The following RGL1 variants were observed in gnomAD, a reference collection of about 807,000 sequenced individuals.
The protein encoded by RGL1 is ral guanine nucleotide dissociation stimulator like 1.
RGL1 carries 24 observed loss-of-function variants against 95.2 expected under a neutral mutation model. The ratio of observed to expected loss-of-function variants is 0.25; its 90% CI spans 0.18 to 0.35. The LOEUF (loss-of-function observed/expected upper bound fraction) is 0.35, where lower values mean the gene tolerates loss of function less well. RGL1 is among the 10% of genes least tolerant of loss of function. The pLI, the probability that RGL1 is intolerant of heterozygous loss-of-function variation, is 1.00. For synonymous variants in RGL1, 329 were observed against 344.9 expected, an observed-to-expected ratio of 0.95 and a Z score of 0.51; for missense variants, 715 against 936.3, an observed-to-expected ratio of 0.76 and a Z score of 3.08.
At chr1:183,881,463 G>T (rs1321278540) in intron 5 of RGL1, among the ~76,000 whole-genome samples, 1 of 152,218 alleles carries the variant, frequency 6.6e-6, no homozygotes, top group African/African-American at 2.4e-5. Context: ...ACCACTGCAG[G>T]TTATGAGGTG....
chr1:183,902,195 C>A (rs12021632), intron 11 of RGL1, among the ~76,000 whole-genome samples: 1 of 152,054 alleles, frequency 6.6e-6, no homozygotes, highest in Non-Finnish European at 1.5e-5. Context: ...TTTTGATAAA[C>A]CGTATGAGTC....
intron 3 of RGL1, among the ~76,000 whole-genome samples, chr1:183,851,632 A>G (rs776863464): frequency 3.9e-5 from 6 of 152,196 alleles, no homozygotes; most frequent in Non-Finnish European, 7.3e-5. Context: ...ATGAAGTTCT[A>G]ACATGTTCTG....
chr1:183,732,621 A>G (rs1366034562), intron 1 of RGL1, among the ~76,000 whole-genome samples: 1 of 152,198 alleles, frequency 6.6e-6, no homozygotes, highest in Admixed American at 6.5e-5. Context: ...CTTAGTGAAA[A>G]TATAATCTAG....
intron 8 of RGL1, among the ~76,000 whole-genome samples, chr1:183,891,028 C>T (rs1667387826): frequency 6.6e-6 from 1 of 152,120 alleles, no homozygotes; most frequent in Admixed American, 6.5e-5. Context: ...TCCCTATAAT[C>T]CTTGACATTT....
At position 183,805,151 on chromosome 1, in the gene RGL1, G is replaced by T. The variant is rs1334486215; in HGVS notation, c.-147G>T. The T allele has an allele frequency of 1.6e-5, 17 of 1,076,194 alleles. No individual in the cohort carries two copies. Among genetic ancestry groups the T allele is most frequent in the Non-Finnish European group, 2.0e-5 (17 of 829,768 alleles). The allele number at this position is 1,076,194 out of a possible 1,614,324, so 66.7% of individuals were successfully genotyped here. On this transcript the variant is annotated 5_prime_UTR_variant, in exon 1 of 18. Transcript: ENST00000360851. ...CGAGTCGCGCGCACCGGCGGCGGCG[G>T]GGGCAGCGCGGCGCGTGTCTGTGCG...
chr1:183,740,387 TGGGCTTACTCTCCA>T, intron 1 of RGL1, among the ~76,000 whole-genome samples: 1 of 152,354 alleles, frequency 6.6e-6, no homozygotes, highest in African/African-American at 2.4e-5. Flanking sequence ...TGCAAGTAGA[TGGGCTTACTCTCCA>T]TGGCTTACAG....
chr1:183,831,894 G>T (rs1054505657), intron 2 of RGL1, among the ~76,000 whole-genome samples: 3 of 152,136 alleles, frequency 2.0e-5, no homozygotes, highest in African/African-American at 7.2e-5. Context: ...TGGCTACTAT[G>T]AATAAAACTG....
chr1:183,892,226 G>C (rs888907980), intron 9 of RGL1, 65 bp downstream of exon 9: 87 of 1,180,000 alleles, frequency 7.4e-5, no homozygotes, highest in Non-Finnish European at 1.0e-4. Context: ...TCAAGGAAGA[G>C]TAGTGTGAGG....
chr1:183,642,841 A>G (rs754477693), intron 1 of RGL1, among the ~76,000 whole-genome samples: 22 of 152,248 alleles, frequency 1.4e-4, no homozygotes, highest in Non-Finnish European at 2.8e-4. Flanking sequence ...TTTGAAGTGT[A>G]CAATTAAGTA....
rs530333473 is a variant in RGL1 at position 183,776,439 on chromosome 1, C to T, written c.133-29936C>T. ...CTGGGATTACAGGCGTGAGCCACCGCGCCCGGCCAGATTTTTTTTTTAAAA... is the reference window on the plus strand; with the variant it reads ...CTGGGATTACAGGCGTGAGCCACCGTGCCCGGCCAGATTTTTTTTTTAAAA... On this transcript the variant is annotated intron_variant, in intron 2 of 18. Transcript: ENST00000304685. Among the ~76,000 whole-genome samples, 24 of 152,102 alleles carry T rather than the reference C, an allele frequency of 1.6e-4. No homozygotes were observed. The South Asian group carries it at 2.9e-3, about 18-fold the overall frequency.
intron 2 of RGL1, among the ~76,000 whole-genome samples, chr1:183,844,344 A>C (rs1400920661): frequency 6.6e-6 from 1 of 152,206 alleles, no homozygotes; most frequent in African/African-American, 2.4e-5. Flanking sequence ...AATATGAGTT[A>C]AGTTTTAAAT....
upstream of RGL1, among the ~76,000 whole-genome samples, chr1:183,803,493 A>C (rs148914252): frequency 6.4e-3 from 973 of 152,242 alleles, 5 homozygotes; most frequent in Middle Eastern, 0.037. Context: ...CCCTTTACAC[A>C]CTAGGTGGCC....
At chr1:183,904,024 T>G (rs1294832933) in intron 12 of RGL1, among the ~76,000 whole-genome samples, 2 of 152,212 alleles carry the variant, frequency 1.3e-5, no homozygotes, top group African/African-American at 4.8e-5. Flanking sequence ...ATTCAGTTAT[T>G]GCCCCCTCAG....
At chr1:183,834,406 A>G (rs1663487574) in intron 2 of RGL1, among the ~76,000 whole-genome samples, 1 of 151,934 alleles carries the variant, frequency 6.6e-6, no homozygotes, top group Admixed American at 6.6e-5. Context: ...CCTGACTGCC[A>G]CCTTTATCAT....
At position 183,840,886 on chromosome 1, in the gene RGL1, C is replaced by T. The variant is rs185880066; in HGVS notation, c.139-6680C>T. On this transcript the variant is annotated intron_variant, in intron 2 of 17. Coordinates refer to ENST00000360851, the MANE Select transcript of RGL1 (RefSeq NM_001297671.3). ...CGGCCTGGGCAATAGAGATGGACTGCATCTCTAACAAACAAACAAAACAAA... is the reference window on the plus strand; with the variant it reads ...CGGCCTGGGCAATAGAGATGGACTGTATCTCTAACAAACAAACAAAACAAA... Among the ~76,000 whole-genome samples, 131 of 151,714 alleles carry T rather than the reference C, an allele frequency of 8.6e-4. 2 individuals carry two copies. The East Asian group carries it at 0.023, about 26-fold the overall frequency.
chr1:183,822,641 G>A (rs925486562), intron 2 of RGL1, among the ~76,000 whole-genome samples: 2 of 152,168 alleles, frequency 1.3e-5, no homozygotes, highest in Non-Finnish European at 2.9e-5. Flanking sequence ...GAATGACATG[G>A]CAGTCAGGAG....
chr1:183,805,755 A>G (rs1302823144), intron 1 of RGL1, among the ~76,000 whole-genome samples: 2 of 152,106 alleles, frequency 1.3e-5, no homozygotes, highest in African/African-American at 2.4e-5. Context: ...TATTTTACGG[A>G]AATAAAAACT....
chr1:183,743,927 T>C (rs1657465248), intron 2 of RGL1, among the ~76,000 whole-genome samples: 1 of 152,216 alleles, frequency 6.6e-6, no homozygotes, highest in Non-Finnish European at 1.5e-5. Context: ...GTGAGAAGTT[T>C]GGAGGACTAG....
chr1:183,880,896 C>A lies in RGL1; in HGVS notation c.610+96C>A, dbSNP rs556871583. The A allele has an allele frequency of 4.5e-6, 5 of 1,122,232 alleles. No individual in the cohort carries two copies. In the African/African-American group the frequency reaches 7.9e-5, roughly 18 times the overall value. The allele number at this position is 1,122,232 out of a possible 1,614,324, so 69.5% of individuals were successfully genotyped here. ...CTCCCTGTGCTGGCTAATAGGAAAC[C>A]TTGGTACCCTCAAAACAACATGCTG... On this transcript the variant is annotated intron_variant, in intron 5 of 17. Transcript: ENST00000360851.
Sources: gnomAD v4.1 joint callset for allele counts (sites outside exome capture counted in the v4.1 genomes callset) on GRCh38, gnomAD v4.1.1 for gene constraint, MANE v1.5 for transcripts, NCBI Gene and HGNC (gene_info 2026-07-23, HGNC 2026-07-21) for gene names.